Variants in WSCD2 observed in about 807,000 individuals in gnomAD.
The protein encoded by WSCD2 is sialate:O-sulfotransferase 2.
In WSCD2, 28 loss-of-function variants were observed where a neutral mutation model predicts 55.7. The observed-to-expected ratio is 0.50, with a 90% CI of 0.37 to 0.69. The LOEUF (loss-of-function observed/expected upper bound fraction) is 0.69, where lower values mean the gene tolerates loss of function less well. Ranked by LOEUF, WSCD2 falls within the 30% of genes least tolerant of loss-of-function variation. WSCD2 has a pLI of 0.00. For missense variants in WSCD2, 616 were observed against 762.1 expected, an observed-to-expected ratio of 0.81 and a Z score of 2.26; for synonymous variants, 301 against 301.9, an observed-to-expected ratio of 1.00 and a Z score of 0.03.
At chr12:108,168,360 T>C (rs116610498) in intron 1 of WSCD2, among the ~76,000 whole-genome samples, 117 of 152,268 alleles carry the variant, frequency 7.7e-4, no homozygotes, top group African/African-American at 2.8e-3. Context: ...CTTCCCTGGA[T>C]CACCATCTCC....
intron 1 of WSCD2, among the ~76,000 whole-genome samples, chr12:108,177,666 A>T (rs1198059639): frequency 6.6e-6 from 1 of 152,192 alleles, no homozygotes; most frequent in Non-Finnish European, 1.5e-5. Flanking sequence ...CACACCTGTA[A>T]TCTCAGCACT....
intron 1 of WSCD2, among the ~76,000 whole-genome samples, chr12:108,174,571 G>T (rs1216637915): frequency 1.3e-5 from 2 of 152,024 alleles, no homozygotes; most frequent in African/African-American, 4.8e-5. Context: ...CTATTGCCAG[G>T]GTTTGCTCAT....
intron 1 of WSCD2, among the ~76,000 whole-genome samples, chr12:108,132,529 C>T (rs338165): frequency 0.5 from 76,234 of 151,944 alleles, 20,125 homozygotes; most frequent in East Asian, 0.81. Flanking sequence ...TGTGAGTGTG[C>T]GTGTGCATGC....
chr12:108,172,083 A>G (rs1358636157), intron 1 of WSCD2, among the ~76,000 whole-genome samples: 1 of 152,076 alleles, frequency 6.6e-6, no homozygotes, highest in African/African-American at 2.4e-5. Flanking sequence ...GGTCCCTTGG[A>G]CCCTAGAGGG....
chr12:108,232,891 C>T lies in WSCD2; in HGVS notation c.1140C>T (p.Asn380=). ...ACTACTTCGATGGCTCCCTCTACAACAAAGGTGAGGAGATGGCAGGGAGGG... is the reference window on the plus strand; with the variant it reads ...ACTACTTCGATGGCTCCCTCTACAATAAAGGTGAGGAGATGGCAGGGAGGG... ...GSYYFDGSLY[N]KGFKGERDHW... The change falls in exon 7 of 9, where the codon AAC becomes AAT. Residue 380 remains asparagine (N), a synonymous_variant. Coordinates refer to ENST00000547525, the MANE Select transcript of WSCD2 (RefSeq NM_014653.4). 3 of 1,611,610 alleles carry T rather than the reference C, an allele frequency of 1.9e-6. No homozygotes were observed. Among genetic ancestry groups the T allele is most frequent in the Non-Finnish European group, 2.5e-6 (3 of 1,178,026 alleles).
At chr12:108,173,810 CTGTGTGTGTGTGTGTGTG>C (rs113409001) in intron 1 of WSCD2, among the ~76,000 whole-genome samples, 34 of 131,142 alleles carry the variant, frequency 2.6e-4, no homozygotes, top group Non-Finnish European at 4.2e-4. Context: ...TCCTGGCTCT[CTGTGTGTGTGTGTGTGTG>C]TGTGTGTGTG....
chr12:108,208,821 A>T lies in WSCD2; in HGVS notation c.498-1300A>T, dbSNP rs370614838. Among the ~76,000 whole-genome samples, 23 of 152,346 alleles carry T rather than the reference A, an allele frequency of 1.5e-4. 1 individual carries two copies. Among genetic ancestry groups the T allele is most frequent in the African/African-American group, 5.5e-4 (23 of 41,572 alleles). The stretch of plus-strand genomic sequence containing the variant: ...TATGAATGTGTATTAATCATCTGTC[A>T]TATGCCAGGCATTGTCCAGGGATAG... On this transcript the variant is annotated intron_variant, in intron 3 of 8. Coordinates refer to ENST00000547525, the MANE Select transcript of WSCD2 (RefSeq NM_014653.4).
rs1890349676 is a variant in WSCD2 at position 108,250,149 on chromosome 12, T to A, written c.*1806T>A. 1 of 150,882 alleles carries A rather than the reference T, an allele frequency of 6.6e-6. No homozygotes were observed. The highest frequency in any genetic ancestry group is 2.1e-4 in the South Asian group (1 of 4,772). The allele number at this position is 150,882 out of a possible 1,614,324, so 9.3% of individuals were successfully genotyped here. Reference sequence around the variant, plus strand: ...GTGGTAGAGTGTTGTGTAAGACAGGTTCACAAATGGGATGTTTTCCTAGTG... The same window carrying A: ...GTGGTAGAGTGTTGTGTAAGACAGGATCACAAATGGGATGTTTTCCTAGTG... On this transcript the variant is annotated 3_prime_UTR_variant, in exon 9 of 9. Transcript: ENST00000547525.
chr12:108,227,460 C>G (rs185245838), intron 6 of WSCD2, among the ~76,000 whole-genome samples: 1 of 152,370 alleles, frequency 6.6e-6, no homozygotes, highest in East Asian at 1.9e-4. Flanking sequence ...GGCTGCAACA[C>G]AGATTCACTG....
intron 4 of WSCD2, among the ~76,000 whole-genome samples, chr12:108,217,205 G>C (rs1886941059): frequency 6.6e-6 from 1 of 152,218 alleles, no homozygotes; most frequent in African/African-American, 2.4e-5. Context: ...ACCCAGGTCT[G>C]TCTGACTTAA....
chr12:108,247,983 C>T lies in WSCD2; in HGVS notation c.1346-8C>T, dbSNP rs747533821. 1 of 1,608,362 alleles carries T rather than the reference C, an allele frequency of 6.2e-7. No homozygotes were observed. Among genetic ancestry groups the T allele is most frequent in the Non-Finnish European group, 8.5e-7 (1 of 1,175,810 alleles). On this transcript the variant is annotated splice_region_variant and splice_polypyrimidine_tract_variant and intron_variant, in intron 8 of 8. Coordinates refer to ENST00000547525, the MANE Select transcript of WSCD2 (RefSeq NM_014653.4). ...CCTCTGACTGTGTCCTTTCTCCTCT[C>T]TCTGCAGAGTGGCCAGAGTTCGTGA...
intron 1 of WSCD2, among the ~76,000 whole-genome samples, chr12:108,168,876 A>C (rs1251350087): frequency 6.6e-6 from 1 of 152,202 alleles, no homozygotes; most frequent in Non-Finnish European, 1.5e-5. Flanking sequence ...TTGTTAAATC[A>C]ATGTCCTAGT....
intron 1 of WSCD2, chr12:108,149,867 C>G (rs1333786018): frequency 6.6e-6 from 1 of 152,176 alleles, no homozygotes; most frequent in Non-Finnish European, 1.5e-5. Flanking sequence ...CAGGACATCA[C>G]GTACACTGGC....
intron 1 of WSCD2, among the ~76,000 whole-genome samples, chr12:108,192,069 G>A (rs557126976): frequency 6.6e-6 from 1 of 152,216 alleles, no homozygotes; most frequent in African/African-American, 2.4e-5. Flanking sequence ...GAGAGAGGCA[G>A]AAAGCCACAG....
chr12:108,173,441 A>G (rs1007165787), intron 1 of WSCD2, among the ~76,000 whole-genome samples: 1 of 152,154 alleles, frequency 6.6e-6, no homozygotes, highest in African/African-American at 2.4e-5. Context: ...GAATTAACTC[A>G]GAGAATCAGA....
chr12:108,240,674 A>G, intron 8 of WSCD2, 130 bp downstream of exon 8: 1 of 1,089,166 alleles, frequency 9.2e-7, no homozygotes, highest in Non-Finnish European at 1.3e-6. Context: ...CCTGGAGGAC[A>G]TCCTGGAGGG....
intron 1 of WSCD2, among the ~76,000 whole-genome samples, chr12:108,166,740 CTTTCCTTCTTTCTTTCTTTCT>C (rs1159640507): frequency 1.8e-5 from 1 of 55,416 alleles, no homozygotes; most frequent in Non-Finnish European, 4.7e-5. Flanking sequence ...TTCTTTCTTT[CTTTCCTTCTTTCTTTCTTTCT>C]TTTCTTTCTT....
At chr12:108,181,218 C>T (rs1881702796) in intron 1 of WSCD2, among the ~76,000 whole-genome samples, 1 of 152,200 alleles carries the variant, frequency 6.6e-6, no homozygotes, top group Non-Finnish European at 1.5e-5. Flanking sequence ...CTCTTCCTCC[C>T]TGGGATGCAA....
At chr12:108,165,374 A>G (rs1879501507) in intron 1 of WSCD2, among the ~76,000 whole-genome samples, 1 of 152,170 alleles carries the variant, frequency 6.6e-6, no homozygotes, top group Non-Finnish European at 1.5e-5. Flanking sequence ...CTGTTACCCC[A>G]AAGGGGACTC....
Sources: allele counts gnomAD v4.1 joint callset (sites outside exome capture counted in the v4.1 genomes callset), GRCh38; gene constraint gnomAD v4.1.1; transcripts MANE v1.5; gene names NCBI Gene and HGNC (gene_info 2026-07-23, HGNC 2026-07-21).